WWP1: variants seen among roughly 807,000 people sequenced by gnomAD.
WWP1 encodes NEDD4-like E3 ubiquitin-protein ligase WWP1.
WWP1 carries 49 observed loss-of-function variants against 130.6 expected under a neutral mutation model. The observed-to-expected ratio is 0.38, with a 90% CI of 0.30 to 0.48. WWP1 has a LOEUF of 0.48. WWP1 is among the 20% of genes least tolerant of loss of function. The pLI, the probability that WWP1 is intolerant of heterozygous loss-of-function variation, is 0.99. For missense variants in WWP1, 809 were observed against 1,100.6 expected, an observed-to-expected ratio of 0.74 and a Z score of 3.75; for synonymous variants, 332 against 367.8, an observed-to-expected ratio of 0.90 and a Z score of 1.11.
At position 86,355,450 on chromosome 8, in the gene WWP1, T is replaced by A. The variant is rs556781272; in HGVS notation, c.-115+12520T>A. Among the ~76,000 whole-genome samples, 100 of 152,324 alleles carry A rather than the reference T, an allele frequency of 6.6e-4. 1 individual carries two copies. Among genetic ancestry groups the A allele is most frequent in the African/African-American group, 2.3e-3 (94 of 41,580 alleles). On this transcript the variant is annotated intron_variant, in intron 1 of 24. Coordinates refer to ENST00000517970, the MANE Select transcript of WWP1 (RefSeq NM_007013.4). ...TTCAAGAATGCCAAAATATTAAAAA[T>A]TTTTGAATTTTAAGGAAAAAAGTCG...
intron 17 of WWP1, among the ~76,000 whole-genome samples, chr8:86,440,274 C>T (rs1025417817): frequency 2.6e-5 from 4 of 152,094 alleles, no homozygotes; most frequent in South Asian, 4.1e-4. Flanking sequence ...CTAGTTCCTC[C>T]ATAACATGAT....
At chr8:86,464,722 T>G (rs1272699095) in intron 24 of WWP1, among the ~76,000 whole-genome samples, 1 of 152,064 alleles carries the variant, frequency 6.6e-6, no homozygotes, top group African/African-American at 2.4e-5. Context: ...TGCTGTGTTG[T>G]CCCAGGTGGG....
intron 4 of WWP1, 46 bp from the exon 5 acceptor site, chr8:86,381,459 G>T: frequency 2.6e-6 from 4 of 1,557,118 alleles, no homozygotes; most frequent in Non-Finnish European, 3.4e-6. Context: ...TTAATAGAAT[G>T]ACAACGTCTA....
intron 20 of WWP1, among the ~76,000 whole-genome samples, chr8:86,450,142 A>G (rs558270158): frequency 2.6e-5 from 4 of 152,242 alleles, no homozygotes; most frequent in African/African-American, 9.6e-5. Flanking sequence ...GTAAATTGCT[A>G]TGGCCTTTCA....
At chr8:86,359,490 C>G (rs539846992) in intron 1 of WWP1, among the ~76,000 whole-genome samples, 1 of 152,024 alleles carries the variant, frequency 6.6e-6, no homozygotes, top group Non-Finnish European at 1.5e-5. Context: ...TCTCATTGAC[C>G]ATTGTATTCC....
At chr8:86,361,990 A>G (rs1235773600) in intron 1 of WWP1, among the ~76,000 whole-genome samples, 4 of 137,222 alleles carry the variant, frequency 2.9e-5, no homozygotes, top group Non-Finnish European at 4.8e-5. Flanking sequence ...ATATATATAT[A>G]TACATATATA....
rs536571630 is a variant in WWP1 at position 86,396,883 on chromosome 8, G to A, written c.335-1459G>A. On this transcript the variant is annotated intron_variant, in intron 5 of 24. Coordinates refer to ENST00000517970, the MANE Select transcript of WWP1 (RefSeq NM_007013.4). ...CAAAATGCTGGGATTAGAGGCGTGA[G>A]CCACCGTGTCTGGCCTTAATTTTTA... Among the ~76,000 whole-genome samples the A allele has an allele frequency of 3.8e-4, 58 of 152,278 alleles. No individual in the cohort carries two copies. In the South Asian group the frequency reaches 0.011, roughly 29 times the overall value.
chr8:86,464,940 G>A (rs1811967409), intron 24 of WWP1, among the ~76,000 whole-genome samples: 1 of 152,118 alleles, frequency 6.6e-6, no homozygotes, highest in East Asian at 1.9e-4. Context: ...TGTATTGAGA[G>A]AGAGATTTTT....
chr8:86,356,524 A>G (rs937262511), intron 1 of WWP1, among the ~76,000 whole-genome samples: 4 of 151,816 alleles, frequency 2.6e-5, no homozygotes, highest in African/African-American at 7.2e-5. Context: ...CTGAGAAATT[A>G]TAGCAAATTA....
At chr8:86,433,359 T>A (rs1810102100) in intron 14 of WWP1, among the ~76,000 whole-genome samples, 1 of 151,870 alleles carries the variant, frequency 6.6e-6, no homozygotes, top group Non-Finnish European at 1.5e-5. Flanking sequence ...AAATTTTGCT[T>A]TCTATATTCA....
At chr8:86,427,139 G>A (rs1809670996) in intron 10 of WWP1, among the ~76,000 whole-genome samples, 2 of 151,630 alleles carry the variant, frequency 1.3e-5, no homozygotes, top group Admixed American at 1.3e-4. Context: ...CTTCAGCCTG[G>A]GTGACAAGAG....
intron 1 of WWP1, among the ~76,000 whole-genome samples, chr8:86,360,235 T>C (rs1823513003): frequency 6.6e-6 from 1 of 152,062 alleles, no homozygotes; most frequent in African/African-American, 2.4e-5. Flanking sequence ...TGAAAATAAG[T>C]TTCTGGTGGT....
chr8:86,394,371 A>G (rs1390325758), intron 5 of WWP1, among the ~76,000 whole-genome samples: 1 of 152,232 alleles, frequency 6.6e-6, no homozygotes, highest in Non-Finnish European at 1.5e-5. Context: ...TTCCCCTAGG[A>G]CAGGACTACC....
intron 17 of WWP1, among the ~76,000 whole-genome samples, chr8:86,439,731 T>C (rs1810493491): frequency 6.6e-6 from 1 of 152,220 alleles, no homozygotes; most frequent in Non-Finnish European, 1.5e-5. Flanking sequence ...GAAAATCCTT[T>C]TATTTTTCAA....
chr8:86,422,218 C>G (rs1809257903), intron 9 of WWP1, among the ~76,000 whole-genome samples: 1 of 152,124 alleles, frequency 6.6e-6, no homozygotes, highest in African/African-American at 2.4e-5. Flanking sequence ...TTCCGAAACA[C>G]TGCCTTCTCG....
At chr8:86,360,026 G>A (rs1823485962) in intron 1 of WWP1, among the ~76,000 whole-genome samples, 1 of 150,948 alleles carries the variant, frequency 6.6e-6, no homozygotes, top group African/African-American at 2.4e-5. Flanking sequence ...TCCAGCCTGG[G>A]CAACAGAGTG....
intron 24 of WWP1, among the ~76,000 whole-genome samples, chr8:86,465,473 A>G (rs1178793724): frequency 6.6e-6 from 1 of 152,068 alleles, no homozygotes; most frequent in Non-Finnish European, 1.5e-5. Flanking sequence ...AAAAAATACA[A>G]AAGTTAGCTG....
At chr8:86,354,007 T>G (rs951453866) in intron 1 of WWP1, among the ~76,000 whole-genome samples, 3 of 152,204 alleles carry the variant, frequency 2.0e-5, no homozygotes, top group African/African-American at 7.2e-5. Context: ...GTGATTTAAT[T>G]TTTCCATTAA....
chr8:86,460,571 A>T (rs1403716088), intron 22 of WWP1, among the ~76,000 whole-genome samples: 3 of 152,238 alleles, frequency 2.0e-5, no homozygotes, highest in East Asian at 3.9e-4. Context: ...CCCAACAACA[A>T]CATCTATCTT....
Sources: allele counts gnomAD v4.1 joint callset (sites outside exome capture counted in the v4.1 genomes callset), GRCh38; gene constraint gnomAD v4.1.1; transcripts MANE v1.5; gene names NCBI Gene and HGNC (gene_info 2026-07-23, HGNC 2026-07-21).